CDH24: variants seen among roughly 807,000 people sequenced by gnomAD.
CDH24 encodes the protein cadherin-24.
A neutral mutation model predicts 71.2 loss-of-function variants in CDH24; 61 were observed. The ratio of observed to expected loss-of-function variants is 0.86; its 90% CI spans 0.70 to 1.06. CDH24 has a LOEUF of 1.06. Ranked by LOEUF, CDH24 falls within the 50% of genes least tolerant of loss-of-function variation. The pLI is 0.00. For synonymous variants in CDH24, 440 were observed against 470.2 expected, an observed-to-expected ratio of 0.94 and a Z score of 0.83; for missense variants, 961 against 1,083.7, an observed-to-expected ratio of 0.89 and a Z score of 1.59.
chr14:23,054,674 C>T lies in CDH24; in HGVS notation c.617-1G>A, dbSNP rs770291204. On this transcript the variant is annotated splice_acceptor_variant, in intron 4 of 12. Transcript: ENST00000487137. LOFTEE classifies it high-confidence loss of function. This position sits in a 1 kb window ranked among gnomAD's most constrained non-coding sequence, Gnocchi z 5.2. ...TTGGGGATGGCTGTACGCACCACTC[C>T]TAGGGAGAGATGCTGGTCAGAGGGT... 1.2e-6 allele frequency: 2 copies of T among 1,613,868 alleles called. No homozygotes were observed. The highest frequency in any genetic ancestry group is 1.7e-6 in the Non-Finnish European group (2 of 1,179,926).
chr14:23,049,160 T>C lies in CDH24; in HGVS notation c.1713A>G (p.Thr571=). The part of the protein sequence containing the change: ...WGQPALSSTA[T]VTVSVCRCQP... ...GGCAGCGGCACACACTAACAGTCACTGTGGCAGTGCTGCTCAGCGCCGGCT... is the reference window on the plus strand; with the variant it reads ...GGCAGCGGCACACACTAACAGTCACCGTGGCAGTGCTGCTCAGCGCCGGCT... The change falls in exon 11 of 13, where the codon ACA becomes ACG. Residue 571 remains threonine, a synonymous_variant. Coordinates refer to ENST00000487137, the MANE Select transcript of CDH24 (RefSeq NM_144985.4). 1 of 1,591,750 alleles carries C rather than the reference T, an allele frequency of 6.3e-7. No individual in the cohort carries two copies. The highest frequency in any genetic ancestry group is 8.6e-7 in the Non-Finnish European group (1 of 1,169,024).
rs1467370184 is a variant in CDH24 at position 23,051,514 on chromosome 14, T to G, written c.1363+959A>C. Among the ~76,000 whole-genome samples the G allele has an allele frequency of 6.6e-6, 1 of 152,230 alleles. No homozygotes were observed. Among genetic ancestry groups the G allele is most frequent in the Non-Finnish European group, 1.5e-5 (1 of 68,040 alleles). ...CAAAACACATACAAACAGCTACATGTGCATACCACTGTATATATCAATCAC... is the reference window on the plus strand; with the variant it reads ...CAAAACACATACAAACAGCTACATGGGCATACCACTGTATATATCAATCAC... On this transcript the variant is annotated intron_variant, in intron 8 of 12. Transcript: ENST00000487137. The surrounding 1 kb of genome is among the most constrained non-coding windows in gnomAD (Gnocchi z 4.4).
chr14:23,052,384 GGCAGTTA>G (rs1328790248), intron 8 of CDH24, 82 bp downstream of exon 8: 1 of 1,406,100 alleles, frequency 7.1e-7, no homozygotes, highest in Admixed American at 1.7e-5. Flanking sequence ...AGGGTGCGAT[GGCAGTTA>G]GCACCCTTCT....
rs765801104 is a variant in CDH24, at chr14:23,048,393, T to C, written c.1933A>G (p.Ile645Val). 1 of 1,612,520 alleles carries C rather than the reference T, an allele frequency of 6.2e-7. No individual in the cohort carries two copies. The highest frequency in any genetic ancestry group is 1.7e-5 in the Admixed American group (1 of 60,008). ...LEEEDVRENIITYDDEGGGEE... is the reference protein window; with the variant it reads ...LEEEDVRENIVTYDDEGGGEE... The stretch of plus-strand genomic sequence containing the variant: ...CCGCCGCCCTCGTCGTCGTAGGTGA[T>C]GATGTTCTCTCGGACGTCCTCCTCC... The change falls in exon 12 of 13, where the codon ATC becomes GTC. Residue 645 changes from isoleucine (I) to valine (V), a missense_variant. Around this residue, in one of 2 missense-constraint regions of CDH24, gnomAD observed 290 missense variants for 272.8 expected, o/e 1.06. Transcript: ENST00000487137.
chr14:23,050,362 T>C (rs1331604138), intron 8 of CDH24, among the ~76,000 whole-genome samples: 1 of 152,162 alleles, frequency 6.6e-6, no homozygotes, highest in Non-Finnish European at 1.5e-5. Context: ...GCAATGTACA[T>C]GAAGCAAATG....
intron 8 of CDH24, chr14:23,052,057 A>G (rs770498755): frequency 1.3e-6 from 2 of 1,571,724 alleles, no homozygotes; most frequent in African/African-American, 2.7e-5. Context: ...AGAGGTACCC[A>G]GCCCCTTTCT....
rs534118854 is a variant in CDH24, at chr14:23,048,305, G to A, written c.2021C>T (p.Pro674Leu). 2.5e-6 allele frequency: 4 copies of A among 1,587,454 alleles called. No individual in the cohort carries two copies. The highest frequency in any genetic ancestry group is 3.4e-6 in the Non-Finnish European group (4 of 1,168,404). The change falls in exon 12 of 13, where the codon CCG becomes CTG. Residue 674 changes from proline to leucine, a missense_variant. By Grantham distance (98) the Pro-to-Leu change is moderately conservative (BLOSUM62 -3). Around this residue, in one of 2 missense-constraint regions of CDH24, gnomAD observed 290 missense variants for 272.8 expected, o/e 1.06. Coordinates refer to ENST00000487137, the MANE Select transcript of CDH24 (RefSeq NM_144985.4). The part of the protein sequence containing the change: ...ALQNPDGAAP[P>L]APGPPARRDV... ...TCGGCGCGCGGGAGGGCCGGGCGCC[G>A]GGGGGGCCGCCCCGTCCGGGTTCTG...
chr14:23,047,410 G>C (rs1321012253), intron 12 of CDH24, 36 bp from the exon 13 acceptor site: 4 of 152,666 alleles, frequency 2.6e-5, no homozygotes, highest in Non-Finnish European at 4.4e-5. Flanking sequence ...GAGGCAGTGG[G>C]GAGTGGGAGC....
rs1269404347 is a variant in CDH24 at position 23,055,051 on chromosome 14, G to GT, written c.496+7dup. On this transcript the variant is annotated splice_region_variant and intron_variant, in intron 3 of 12. Coordinates refer to ENST00000487137, the MANE Select transcript of CDH24 (RefSeq NM_144985.4). The surrounding 1 kb of genome is among the most constrained non-coding windows in gnomAD (Gnocchi z 4.1). ...GGGAACTGGGGCATTCAGAGCTGGG[G>GT]TGCTCACCGACATTGGACATCTCGG... is the stretch of plus-strand genomic sequence containing the variant. The GT allele has an allele frequency of 4.4e-6, 7 of 1,606,986 alleles. No individual in the cohort carries two copies. The highest frequency in any genetic ancestry group is 3.3e-5 in the Admixed American group (2 of 59,886).
chr14:23,053,280 A>C (rs1212245331), intron 7 of CDH24, among the ~76,000 whole-genome samples: 1 of 152,150 alleles, frequency 6.6e-6, no homozygotes, highest in Non-Finnish European at 1.5e-5. Flanking sequence ...ACCATCATCT[A>C]CCCAGAGGGG....
chr14:23,053,758 A>T lies in CDH24; in HGVS notation c.973-9T>A, dbSNP rs559917130. The T allele has an allele frequency of 2.1e-5, 33 of 1,585,510 alleles. No individual in the cohort carries two copies. The East Asian group carries it at 6.8e-4, about 33-fold the overall frequency. On this transcript the variant is annotated splice_polypyrimidine_tract_variant and intron_variant, in intron 6 of 12. Coordinates refer to ENST00000487137, the MANE Select transcript of CDH24 (RefSeq NM_144985.4). ...CTCTCAAAGTCTAGGGGCTATGGTG[A>T]GGGGAGAGGGAGAAAAAGTGAGGCA...
intron 7 of CDH24, among the ~76,000 whole-genome samples, chr14:23,053,068 G>A (rs2047096692): frequency 6.6e-6 from 1 of 152,132 alleles, no homozygotes; most frequent in Non-Finnish European, 1.5e-5. Flanking sequence ...GGGAAAGAGT[G>A]GCTGTTCTGC....
chr14:23,054,873 G>C lies in CDH24; in HGVS notation c.497-7C>G. ...ACCTGGATCACTGATGTCCCTGTGG[G>C]GGATGCCAGCACGCCATTCAGCAGC... On this transcript the variant is annotated splice_region_variant and splice_polypyrimidine_tract_variant and intron_variant, in intron 3 of 12. Coordinates refer to ENST00000487137, the MANE Select transcript of CDH24 (RefSeq NM_144985.4). The surrounding 1 kb of genome is among the most constrained non-coding windows in gnomAD (Gnocchi z 5.2). The C allele has an allele frequency of 6.2e-7, 1 of 1,612,778 alleles. No individual in the cohort carries two copies. The highest frequency in any genetic ancestry group is 8.5e-7 in the Non-Finnish European group (1 of 1,179,996).
chr14:23,052,616 A>G lies in CDH24; in HGVS notation c.1227-7T>C, dbSNP rs751427420. On this transcript the variant is annotated splice_region_variant and splice_polypyrimidine_tract_variant and intron_variant, in intron 7 of 12. Transcript: ENST00000487137. Reference sequence around the variant, plus strand: ...GTGGGGGAGGATGGAGTATCTGGGGAAGGGAGAGACATGCTGGGGCTGATC... The same window carrying G: ...GTGGGGGAGGATGGAGTATCTGGGGGAGGGAGAGACATGCTGGGGCTGATC... 3 of 1,612,964 alleles carry G rather than the reference A, an allele frequency of 1.9e-6. 1 individual carries two copies. The South Asian group carries it at 3.3e-5, about 18-fold the overall frequency.
Position 23,049,038 on chromosome 14 carries a change from C to T in CDH24, c.1835G>A (p.Gly612Asp). 1 of 1,612,342 alleles carries T rather than the reference C, an allele frequency of 6.2e-7. No individual in the cohort carries two copies. The highest frequency in any genetic ancestry group is 8.5e-7 in the Non-Finnish European group (1 of 1,179,718). ...GTGGCCTGACTCACCAAGCAGGGCA[C>T]CCACACAGGTGATGATGGCAAGCAG... ...GALLAIITCV[G>D]ALLALVVLFV... Residue 612 changes from glycine to aspartate, a missense_variant, in exon 11 of 13, where the codon GGT becomes GAT. Transcript: ENST00000487137.
chr14:23,052,694 C>T (rs2047094315), intron 7 of CDH24, 85 bp from the exon 8 acceptor site: 2 of 1,447,594 alleles, frequency 1.4e-6, no homozygotes, highest in Admixed American at 1.7e-5. Context: ...TCCCTCTGTT[C>T]ACCTTGTCAG....
Position 23,049,988 on chromosome 14 carries a change from C to T in CDH24, c.1364-45G>A, listed in dbSNP as rs761269290. The T allele has an allele frequency of 5.0e-6, 8 of 1,596,460 alleles. No individual in the cohort carries two copies. The African/African-American group carries it at 9.4e-5, about 19-fold the overall frequency. ...ACATACACGCCACACACACACCACA[C>T]AGTTTACACGTAACATATGTGGTGC... On this transcript the variant is annotated intron_variant, in intron 8 of 12. Coordinates refer to ENST00000487137, the MANE Select transcript of CDH24 (RefSeq NM_144985.4).
At chr14:23,048,930 C>G in intron 11 of CDH24, 97 bp downstream of exon 11, 1 of 1,436,860 alleles carries the variant, frequency 7.0e-7, no homozygotes, top group African/African-American at 1.4e-5. Flanking sequence ...GTCGTTCAAG[C>G]CCTAAGGTGG....
In CDH24 at chr14:23,055,801, C is replaced by T. The variant is rs895367464; in HGVS notation, c.-68G>A. ...TGAGGCTGGGCCAGGCCACGTGGCC[C>T]ATGAGCTGGCTGGGGTGGAGGGGCA... On this transcript the variant is annotated 5_prime_UTR_variant, in exon 2 of 13. It removes an upstream start codon present in the reference 5' UTR. Coordinates refer to ENST00000487137, the MANE Select transcript of CDH24 (RefSeq NM_144985.4). This position sits in a 1 kb window ranked among gnomAD's most constrained non-coding sequence, Gnocchi z 4.1. The T allele has an allele frequency of 2.2e-6, 3 of 1,372,508 alleles. No individual in the cohort carries two copies. Among genetic ancestry groups the T allele is most frequent in the African/African-American group, 2.9e-5 (2 of 68,096 alleles). 85.0% of individuals were successfully genotyped at this position (1,372,508 alleles called of 1,614,324 possible). A position where few individuals can be genotyped will look rare whatever the true frequency, so the allele number is the denominator to read the frequency against.
Sources: gnomAD v4.1 joint callset for allele counts (sites outside exome capture counted in the v4.1 genomes callset) on GRCh38, gnomAD v4.1.1 for gene constraint, gnomAD v4.1.1 regional missense constraint, Gnocchi (gnomAD v3.1) non-coding constraint, MANE v1.5 for transcripts, NCBI Gene and HGNC (gene_info 2026-07-23, HGNC 2026-07-21) for gene names.